SUPT3H: variants seen among roughly 807,000 people sequenced by gnomAD.
SUPT3H encodes transcription initiation protein SPT3 homolog.
SUPT3H carries 44 observed loss-of-function variants against 44.3 expected under a neutral mutation model. That is an observed-to-expected ratio of 0.99 (90% CI 0.78 to 1.28). SUPT3H has a LOEUF of 1.28. SUPT3H is among the 50% of genes most tolerant of loss of function. The pLI is 0.00. For missense variants in SUPT3H, 380 were observed against 387.1 expected (o/e 0.98, Z 0.15); for synonymous variants, 124 against 125.6 (o/e 0.99, Z 0.09).
intron 2 of SUPT3H, among the ~76,000 whole-genome samples, chr6:45,216,547 C>G (rs1249007824): frequency 1.3e-5 from 2 of 152,108 alleles, no homozygotes; most frequent in Non-Finnish European, 2.9e-5. Context: ...AAACACACTA[C>G]CTACAAGAAG....
chr6:45,246,494 T>C (rs965139469), intron 2 of SUPT3H, among the ~76,000 whole-genome samples: 2 of 152,164 alleles, frequency 1.3e-5, no homozygotes, highest in South Asian at 2.1e-4. Context: ...GTTAAAATTA[T>C]CAGTCCCATG....
At chr6:44,996,832 T>A (rs913208584) in intron 6 of SUPT3H, among the ~76,000 whole-genome samples, 2 of 151,874 alleles carry the variant, frequency 1.3e-5, no homozygotes, top group Non-Finnish European at 2.9e-5. Flanking sequence ...GGAATGTATT[T>A]TGATGCATGT....
chr6:45,244,074 G>A (rs1770893185), intron 2 of SUPT3H, among the ~76,000 whole-genome samples: 1 of 152,038 alleles, frequency 6.6e-6, no homozygotes, highest in East Asian at 1.9e-4. Context: ...TGTAGAGACA[G>A]GGTCTCACTA....
chr6:45,064,104 G>T (rs10456539), intron 3 of SUPT3H, among the ~76,000 whole-genome samples: 8,715 of 45,190 alleles, frequency 0.19, 243 homozygotes, highest in Non-Finnish European at 0.23. Context: ...GACTAACAGC[G>T]GATCTCTTGG....
At chr6:44,925,423 A>G (rs1481081195) in intron 10 of SUPT3H, among the ~76,000 whole-genome samples, 2 of 152,234 alleles carry the variant, frequency 1.3e-5, no homozygotes, top group African/African-American at 4.8e-5. Context: ...AGTTCAATAG[A>G]AAGTTACCTG....
chr6:45,193,378 G>A (rs1048275072), intron 2 of SUPT3H, among the ~76,000 whole-genome samples: 2 of 151,972 alleles, frequency 1.3e-5, no homozygotes, highest in Non-Finnish European at 2.9e-5. Flanking sequence ...AAGAATCTTT[G>A]ACTTTTTAAA....
In SUPT3H at chr6:45,206,491, A is replaced by T. The variant is rs541566404; in HGVS notation, c.102-100485T>A. Among the ~76,000 whole-genome samples the T allele has an allele frequency of 8.5e-5, 13 of 152,238 alleles. No homozygotes were observed. The East Asian group carries it at 1.9e-3, about 23-fold the overall frequency. ...CACACAGCCCATCATAAAATATGTG[A>T]CTTTTACTCTGAATAAAATGAGAAG... On this transcript the variant is annotated intron_variant, in intron 2 of 10. Transcript: ENST00000371459.
chr6:44,818,215 C>T (rs1328578124), intron 11 of SUPT3H, among the ~76,000 whole-genome samples: 1 of 151,992 alleles, frequency 6.6e-6, no homozygotes, highest in East Asian at 1.9e-4. Flanking sequence ...ATAGTTTTCT[C>T]AACGAGTGGT....
intron 9 of SUPT3H, among the ~76,000 whole-genome samples, chr6:44,946,382 T>C (rs902994842): frequency 2.6e-5 from 4 of 152,202 alleles, no homozygotes; most frequent in African/African-American, 9.6e-5. Flanking sequence ...GTGATTCCTC[T>C]GATGGATCCA....
intron 2 of SUPT3H, among the ~76,000 whole-genome samples, chr6:45,236,546 T>A (rs565750816): frequency 5.5e-4 from 84 of 152,118 alleles, no homozygotes; most frequent in African/African-American, 1.9e-3. Flanking sequence ...CTGCACCCCC[T>A]CCTTATTTTG....
rs903724049 is a variant in SUPT3H at position 44,852,148 on chromosome 6, G to A, written c.913-22291C>T. 3.6e-4 allele frequency among the ~76,000 whole-genome samples: 55 copies of A among 152,110 alleles called. 1 individual carries two copies. Among genetic ancestry groups the A allele is most frequent in the Admixed American group, 1.0e-3 (16 of 15,262 alleles). On this transcript the variant is annotated intron_variant, in intron 10 of 10. Coordinates refer to ENST00000371459, the MANE Select transcript of SUPT3H (RefSeq NM_003599.4). The stretch of plus-strand genomic sequence containing the variant: ...TTTTCACTGTATTCTAGTGAGGAGG[G>A]AAGAGGCTGAGAATCAATTATTTAA...
At chr6:45,371,857 C>T (rs1796121836) in intron 1 of SUPT3H, 2 of 982,242 alleles carry the variant, frequency 2.0e-6, no homozygotes, top group African/African-American at 3.5e-5. Context: ...GTTTGAAAAT[C>T]ACTAATTTCC....
At chr6:45,238,835 G>A (rs550203103) in intron 2 of SUPT3H, among the ~76,000 whole-genome samples, 93 of 152,260 alleles carry the variant, frequency 6.1e-4, no homozygotes, top group Middle Eastern at 6.8e-3. Context: ...CTTTTATAAA[G>A]AGTCTTACTT....
chr6:45,057,693 C>G (rs929291322), intron 3 of SUPT3H, among the ~76,000 whole-genome samples: 1 of 152,008 alleles, frequency 6.6e-6, no homozygotes, highest in African/African-American at 2.4e-5. Flanking sequence ...CAAATGATAA[C>G]CACATATTTT....
chr6:45,028,281 G>C (rs1786344192), intron 3 of SUPT3H, among the ~76,000 whole-genome samples: 1 of 152,154 alleles, frequency 6.6e-6, no homozygotes, highest in Non-Finnish European at 1.5e-5. Context: ...TGGCCTACAT[G>C]GTTTGGATAG....
intron 2 of SUPT3H, among the ~76,000 whole-genome samples, chr6:45,153,227 T>C (rs1807234554): frequency 6.6e-6 from 1 of 152,244 alleles, no homozygotes; most frequent in Non-Finnish European, 1.5e-5. Context: ...TATCTGTTTG[T>C]TGTCTACTTC....
At chr6:44,977,735 G>C (rs919133192) in intron 6 of SUPT3H, among the ~76,000 whole-genome samples, 4 of 152,080 alleles carry the variant, frequency 2.6e-5, no homozygotes, top group African/African-American at 7.2e-5. Context: ...TCCTTATTCA[G>C]ATATAAAATT....
chr6:45,288,613 G>A (rs5022145), intron 2 of SUPT3H, among the ~76,000 whole-genome samples: 19,291 of 57,626 alleles, frequency 0.33, 2,236 homozygotes, highest in East Asian at 0.51. Context: ...ATATATATAT[G>A]TATATATATA....
chr6:44,982,479 C>T (rs7739872), intron 6 of SUPT3H, among the ~76,000 whole-genome samples: 149,237 of 152,340 alleles, frequency 0.98, 73,111 homozygotes, highest in Middle Eastern at 1. Flanking sequence ...CCTCCTGAAG[C>T]GCTGGGATTA....
Sources: gnomAD v4.1 joint callset for allele counts (sites outside exome capture counted in the v4.1 genomes callset) on GRCh38, gnomAD v4.1.1 for gene constraint, MANE v1.5 for transcripts, NCBI Gene and HGNC (gene_info 2026-07-23, HGNC 2026-07-21) for gene names.